Variants in BABAM2 observed in about 807,000 individuals in gnomAD.
BABAM2 encodes BRISC and BRCA1 A complex member 2, also known as BRISC and BRCA1-A complex member 2.
A neutral mutation model predicts 54.7 loss-of-function variants in BABAM2; 31 were observed. The observed-to-expected ratio is 0.57, with a 90% confidence interval of 0.43 to 0.77. BABAM2 has a LOEUF of 0.77. Among genes scored for constraint, BABAM2 ranks in the 30% least tolerant of loss-of-function variants. BABAM2 has a pLI of 0.00. For synonymous variants in BABAM2, 167 were observed against 162.9 expected, an observed-to-expected ratio of 1.03 and a Z score of -0.19; for missense variants, 364 against 455.8, an observed-to-expected ratio of 0.80 and a Z score of 1.83.
At chr2:27,992,864 A>G (rs374140526) in intron 4 of BABAM2, among the ~76,000 whole-genome samples, 4 of 152,060 alleles carry the variant, frequency 2.6e-5, no homozygotes, top group African/African-American at 7.2e-5. Flanking sequence ...GCTATTGACC[A>G]TTTTTTATTT....
At chr2:28,167,693 C>CAAAAAAAAA in intron 7 of BABAM2, among the ~76,000 whole-genome samples, 1 of 103,800 alleles carries the variant, frequency 9.6e-6, no homozygotes, top group Middle Eastern at 4.0e-3. Context: ...GACTCCATCT[C>CAAAAAAAAA]AAAAAAATAA....
chr2:28,056,551 T>A (rs1357186696), intron 6 of BABAM2, among the ~76,000 whole-genome samples: 1 of 152,224 alleles, frequency 6.6e-6, no homozygotes, highest in African/African-American at 2.4e-5. Context: ...GATTATCAGT[T>A]GACCTGCTTT....
At position 27,915,645 on chromosome 2, in the gene BABAM2, A is replaced by G. The variant is rs1666911514; in HGVS notation, c.129-14187A>G. Among the ~76,000 whole-genome samples the G allele has an allele frequency of 4.0e-5, 6 of 148,822 alleles. No individual in the cohort carries two copies. In the South Asian group the frequency reaches 1.3e-3, roughly 32 times the overall value. On this transcript the variant is annotated intron_variant, in intron 2 of 11. Transcript: ENST00000379624. ...GCAGATGCTAAGTCTTTTCATAATC[A>G]TTTAAATATAAGAATTTGAAGATAT...
intron 3 of BABAM2, among the ~76,000 whole-genome samples, chr2:27,976,237 C>T (rs541862858): frequency 9.8e-4 from 149 of 152,164 alleles, no homozygotes; most frequent in African/African-American, 2.2e-3. Context: ...TGTACATTCA[C>T]GCAAAACATG....
intron 7 of BABAM2, among the ~76,000 whole-genome samples, chr2:28,216,512 C>CTCAT (rs1679930973): frequency 6.6e-6 from 1 of 152,106 alleles, no homozygotes; most frequent in Non-Finnish European, 1.5e-5. Context: ...TTAGAGTTGC[C>CTCAT]ATGACAACTC....
chr2:28,262,454 G>T (rs1024682694), intron 10 of BABAM2, among the ~76,000 whole-genome samples: 5 of 152,078 alleles, frequency 3.3e-5, no homozygotes, highest in Admixed American at 1.3e-4. Context: ...TGAACTAGAG[G>T]AGTCATAGTA....
chr2:28,233,514 G>A (rs924002125), intron 7 of BABAM2, among the ~76,000 whole-genome samples: 1 of 152,120 alleles, frequency 6.6e-6, no homozygotes, highest in Non-Finnish European at 1.5e-5. Context: ...CATGATCAGG[G>A]CAGCATTCAG....
intron 3 of BABAM2, among the ~76,000 whole-genome samples, chr2:27,959,357 T>C (rs1232914547): frequency 1.3e-5 from 2 of 152,220 alleles, no homozygotes; most frequent in East Asian, 3.8e-4. Flanking sequence ...TGAAGAGAGA[T>C]GCTGGAGAGC....
intron 6 of BABAM2, among the ~76,000 whole-genome samples, chr2:28,070,202 A>C (rs866901350): frequency 6.6e-6 from 1 of 152,264 alleles, no homozygotes; most frequent in Middle Eastern, 3.4e-3. Context: ...TTACTTTTTC[A>C]CTCTAGTCTT....
intron 6 of BABAM2, among the ~76,000 whole-genome samples, chr2:28,106,725 G>C (rs2148717644): frequency 1.3e-5 from 2 of 152,256 alleles, no homozygotes; most frequent in East Asian, 3.9e-4. Context: ...CCACTGTAAA[G>C]TTACTTTTTT....
intron 6 of BABAM2, among the ~76,000 whole-genome samples, chr2:28,105,173 G>T (rs1667407814): frequency 6.6e-6 from 1 of 151,988 alleles, no homozygotes. Flanking sequence ...ATGTACCCTA[G>T]AACTTAAAGT....
chr2:28,092,709 T>C (rs1447781317), intron 6 of BABAM2, among the ~76,000 whole-genome samples: 1 of 151,768 alleles, frequency 6.6e-6, no homozygotes, highest in Non-Finnish European at 1.5e-5. Context: ...CCTAACCAAT[T>C]AATCTTAATA....
chr2:28,215,242 C>T (rs938852856), intron 7 of BABAM2, among the ~76,000 whole-genome samples: 2 of 152,092 alleles, frequency 1.3e-5, no homozygotes, highest in African/African-American at 4.8e-5. Context: ...AGACTTTGTT[C>T]TAATGTGGCC....
At chr2:28,158,551 T>C (rs921591346) in intron 7 of BABAM2, among the ~76,000 whole-genome samples, 1 of 152,258 alleles carries the variant, frequency 6.6e-6, no homozygotes, top group African/African-American at 2.4e-5. Flanking sequence ...CAGTATGAGC[T>C]CCTTGGAATG....
chr2:28,310,027 C>G (rs1334259794), intron 11 of BABAM2: 1 of 1,545,574 alleles, frequency 6.5e-7, no homozygotes, highest in African/African-American at 1.4e-5. Context: ...ATTATTGGAT[C>G]CTTGAACCCT....
chr2:27,901,909 T>C (rs1248874811), intron 2 of BABAM2, among the ~76,000 whole-genome samples: 2 of 152,228 alleles, frequency 1.3e-5, no homozygotes, highest in South Asian at 4.1e-4. Flanking sequence ...TTAAAAAGTT[T>C]GTACAAATGA....
intron 7 of BABAM2, among the ~76,000 whole-genome samples, chr2:28,136,309 T>A (rs952263202): frequency 1.3e-5 from 2 of 152,216 alleles, no homozygotes; most frequent in Non-Finnish European, 2.9e-5. Flanking sequence ...CCACACTTTT[T>A]CCCTGTGTTT....
intron 7 of BABAM2, among the ~76,000 whole-genome samples, chr2:28,177,091 C>T (rs963724221): frequency 6.6e-6 from 1 of 151,976 alleles, no homozygotes; most frequent in Non-Finnish European, 1.5e-5. Flanking sequence ...CAAAAAGGTT[C>T]TTCCCTGCGG....
intron 5 of BABAM2, among the ~76,000 whole-genome samples, chr2:28,033,384 T>G (rs1405091102): frequency 6.6e-6 from 1 of 152,090 alleles, no homozygotes; most frequent in African/African-American, 2.4e-5. Context: ...ATTTATTCCT[T>G]ACAGTTATAG....
Sources: allele counts gnomAD v4.1 joint callset (sites outside exome capture counted in the v4.1 genomes callset), GRCh38; gene constraint gnomAD v4.1.1; transcripts MANE v1.5; gene names NCBI Gene and HGNC (gene_info 2026-07-23, HGNC 2026-07-21).